The following NR1I2 variants were observed in gnomAD, a reference collection of about 807,000 sequenced individuals.
NR1I2 encodes nuclear receptor subfamily 1 group I member 2.
Under a neutral mutation model 43.3 loss-of-function variants are expected in NR1I2, and 42 were observed. The observed-to-expected ratio is 0.97, with a 90% CI of 0.76 to 1.26. The LOEUF (loss-of-function observed/expected upper bound fraction) is 1.26, where lower values mean the gene tolerates loss of function less well. Among genes scored for constraint, NR1I2 ranks in the 50% most tolerant of loss-of-function variants. NR1I2 has a pLI of 0.00. For synonymous variants in NR1I2, 229 were observed against 215.0 expected, an observed-to-expected ratio of 1.06 and a Z score of -0.57; for missense variants, 559 against 566.7, an observed-to-expected ratio of 0.99 and a Z score of 0.14.
Position 119,801,912 on chromosome 3 carries a change from C to T in NR1I2, c.-22-5317C>T, listed in dbSNP as rs145982448. ...CCTCTCCCTCTTCACATGGCCTCTC[C>T]GCATGGTCTCTTTGGGTGGTCACTG... On this transcript the variant is annotated intron_variant, in intron 1 of 8. Transcript: ENST00000393716. Among the ~76,000 whole-genome samples the T allele has an allele frequency of 2.6e-3, 402 of 152,294 alleles. 1 individual carries two copies. The highest frequency in any genetic ancestry group is 9.1e-3 in the African/African-American group (380 of 41,552).
intron 1 of NR1I2, among the ~76,000 whole-genome samples, chr3:119,797,186 A>ATGTGTGTGTGTGTG (rs60261128): frequency 0.089 from 12,934 of 144,980 alleles, 700 homozygotes; most frequent in East Asian, 0.23. Context: ...GCACAAAGAT[A>ATGTGTGTGTGTGTG]TGTGTGTGTG....
chr3:119,811,552 C>T lies in NR1I2; in HGVS notation c.345C>T (p.Asp115=), dbSNP rs373686292. 3.3e-5 allele frequency: 53 copies of T among 1,612,934 alleles called. No homozygotes were observed. Among genetic ancestry groups the T allele is most frequent in the East Asian group, 2.7e-4 (12 of 44,868 alleles). The change falls in exon 4 of 9, where the codon GAC becomes GAT. Residue 115 remains aspartate (D), a synonymous_variant. Coordinates refer to ENST00000393716, the MANE Select transcript of NR1I2 (RefSeq NM_003889.4). ...CTGTCCCTGCAGTGATCATGTCCGA[C>T]GAGGCCGTGGAGGAGAGGCGGGCCT...
chr3:119,787,386 C>T (rs867478192), intron 1 of NR1I2, among the ~76,000 whole-genome samples: 55 of 152,184 alleles, frequency 3.6e-4, no homozygotes, highest in Non-Finnish European at 2.9e-4. Context: ...TAAGAACTGC[C>T]CTGCCCCCGA....
intron 1 of NR1I2, among the ~76,000 whole-genome samples, chr3:119,798,025 C>G (rs369741880): frequency 2.0e-5 from 3 of 151,808 alleles, no homozygotes; most frequent in Non-Finnish European, 2.9e-5. Flanking sequence ...TTCTTGTCAT[C>G]GATTCCCAGC....
intron 2 of NR1I2, among the ~76,000 whole-genome samples, chr3:119,809,553 G>A (rs1211342408): frequency 7.7e-6 from 1 of 130,582 alleles, no homozygotes; most frequent in Non-Finnish European, 1.6e-5. Flanking sequence ...GGGGTGGGGG[G>A]AAGGCGGGGG....
chr3:119,796,913 T>A (rs112547640), intron 1 of NR1I2, among the ~76,000 whole-genome samples: 6,272 of 152,152 alleles, frequency 0.041, 426 homozygotes, highest in African/African-American at 0.14. Context: ...CATAGAGAAG[T>A]TAGTGAGTAA....
chr3:119,813,056 T>C (rs2055267588), intron 5 of NR1I2, 96 bp downstream of exon 5: 7 of 1,376,318 alleles, frequency 5.1e-6, no homozygotes, highest in South Asian at 4.8e-5. Context: ...TTGGGGGATA[T>C]TGGTGTCAGA....
chr3:119,796,317 T>C (rs987280684), intron 1 of NR1I2, among the ~76,000 whole-genome samples: 1 of 152,200 alleles, frequency 6.6e-6, no homozygotes, highest in Non-Finnish European at 1.5e-5. Context: ...CTGAAATTTC[T>C]CCCTGACTCC....
intron 1 of NR1I2, among the ~76,000 whole-genome samples, chr3:119,800,574 G>C (rs1156462778): frequency 6.6e-6 from 1 of 152,052 alleles, no homozygotes; most frequent in Non-Finnish European, 1.5e-5. Context: ...ATTAATCATA[G>C]GGTGTTTTTT....
chr3:119,809,174 A>G (rs559954083), intron 2 of NR1I2, among the ~76,000 whole-genome samples: 1 of 152,186 alleles, frequency 6.6e-6, no homozygotes, highest in Admixed American at 6.5e-5. Flanking sequence ...GGCCAGAGCC[A>G]AGGGAGAGAT....
chr3:119,807,117 G>C, intron 1 of NR1I2, 112 bp from the exon 2 acceptor site: 2 of 941,540 alleles, frequency 2.1e-6, no homozygotes, highest in Non-Finnish European at 3.4e-6. Context: ...GTCAGCTCCC[G>C]AGTTCACAGG....
At chr3:119,795,784 T>C (rs1392891646) in intron 1 of NR1I2, among the ~76,000 whole-genome samples, 4 of 152,242 alleles carry the variant, frequency 2.6e-5, no homozygotes, top group Non-Finnish European at 4.4e-5. Flanking sequence ...TCATCCCTTT[T>C]CTAGTATTTT....
rs1577288609 is a variant in NR1I2, at chr3:119,817,063, T to C, written c.1161-5T>C. 1.2e-6 allele frequency: 2 copies of C among 1,614,150 alleles called. No homozygotes were observed. Among genetic ancestry groups the C allele is most frequent in the Non-Finnish European group, 1.7e-6 (2 of 1,180,012 alleles). Reference sequence around the variant, plus strand: ...CCCACAATCTTTTCTCTGGCTGGCATGCAGGTTCTTGTTCCTGAAGATCAT... The same window carrying C: ...CCCACAATCTTTTCTCTGGCTGGCACGCAGGTTCTTGTTCCTGAAGATCAT... On this transcript the variant is annotated splice_region_variant and splice_polypyrimidine_tract_variant and intron_variant, in intron 8 of 8. Coordinates refer to ENST00000393716, the MANE Select transcript of NR1I2 (RefSeq NM_003889.4).
At chr3:119,791,443 A>G (rs929222260) in intron 1 of NR1I2, among the ~76,000 whole-genome samples, 1 of 152,170 alleles carries the variant, frequency 6.6e-6, no homozygotes, top group Non-Finnish European at 1.5e-5. Flanking sequence ...TGCTTCACCA[A>G]TGTTGACAGC....
At chr3:119,796,911 A>T (rs1448888167) in intron 1 of NR1I2, among the ~76,000 whole-genome samples, 1 of 152,214 alleles carries the variant, frequency 6.6e-6, no homozygotes, top group Non-Finnish European at 1.5e-5. Flanking sequence ...AGCATAGAGA[A>T]GTTAGTGAGT....
At chr3:119,806,507 G>C (rs1039149537) in intron 1 of NR1I2, among the ~76,000 whole-genome samples, 1 of 151,962 alleles carries the variant, frequency 6.6e-6, no homozygotes, top group African/African-American at 2.4e-5. Context: ...GCTGGTCTCA[G>C]ATTCCTGGGC....
chr3:119,783,952 CTTCTT>C (rs954111026), intron 1 of NR1I2, among the ~76,000 whole-genome samples: 2 of 152,208 alleles, frequency 1.3e-5, no homozygotes, highest in Non-Finnish European at 1.5e-5. Flanking sequence ...ACAGTGTACA[CTTCTT>C]TTATTTAGCC....
intron 1 of NR1I2, among the ~76,000 whole-genome samples, chr3:119,790,347 C>T (rs9828996): frequency 0.027 from 4,141 of 152,122 alleles, 116 homozygotes; most frequent in African/African-American, 0.079. Context: ...TTGTCTATTG[C>T]GAATAGTGCT....
At chr3:119,782,620 G>A (rs1009961840) in intron 1 of NR1I2, 1 of 660,732 alleles carries the variant, frequency 1.5e-6, no homozygotes. Flanking sequence ...TTACAGGGCT[G>A]GAGTCCCTGG....
Sources: gnomAD v4.1 joint callset for allele counts (sites outside exome capture counted in the v4.1 genomes callset) on GRCh38, gnomAD v4.1.1 for gene constraint, MANE v1.5 for transcripts, NCBI Gene and HGNC (gene_info 2026-07-23, HGNC 2026-07-21) for gene names.